ERCC6L2: variants seen among roughly 807,000 people sequenced by gnomAD.
ERCC6L2 encodes DNA excision repair protein ERCC-6-like 2.
ERCC6L2 carries 77 observed loss-of-function variants against 132.0 expected under a neutral mutation model. That is an observed-to-expected ratio of 0.58 (90% CI 0.49 to 0.71). The LOEUF is 0.71. ERCC6L2 is among the 30% of genes least tolerant of loss of function. ERCC6L2 has a pLI of 0.00. For missense variants in ERCC6L2, 1,542 were observed against 1,837.6 expected (o/e 0.84, Z 2.94); for synonymous variants, 583 against 632.4 (o/e 0.92, Z 1.17).
intron 17 of ERCC6L2, among the ~76,000 whole-genome samples, chr9:95,988,266 G>A (rs1017562089): frequency 6.6e-6 from 1 of 152,176 alleles, no homozygotes; most frequent in African/African-American, 2.4e-5. Flanking sequence ...AGACAAATAC[G>A]TCTGAACTGG....
chr9:95,893,362 G>A (rs1449811133), intron 2 of ERCC6L2, among the ~76,000 whole-genome samples: 2 of 152,012 alleles, frequency 1.3e-5, no homozygotes, highest in Admixed American at 6.6e-5. Flanking sequence ...CTAATATTTT[G>A]TTTAAGAGTT....
intron 18 of ERCC6L2, among the ~76,000 whole-genome samples, chr9:96,011,450 G>T (rs1380847722): frequency 1.3e-5 from 2 of 152,082 alleles, no homozygotes; most frequent in African/African-American, 4.8e-5. Flanking sequence ...ATTTGGGGGA[G>T]GGGCACAGTT....
chr9:95,928,597 G>C, intron 10 of ERCC6L2, 122 bp from the exon 11 acceptor site: 1 of 861,642 alleles, frequency 1.2e-6, no homozygotes, highest in East Asian at 2.9e-5. Flanking sequence ...TATTGTTCTT[G>C]GAATTATAAG....
chr9:95,956,973 A>C (rs1166428290), intron 13 of ERCC6L2, among the ~76,000 whole-genome samples: 1 of 152,180 alleles, frequency 6.6e-6, no homozygotes, highest in African/African-American at 2.4e-5. Flanking sequence ...TTAGAGGTGC[A>C]TGATGTACAT....
intron 19 of ERCC6L2, among the ~76,000 whole-genome samples, chr9:96,037,693 G>A (rs550829141): frequency 1.3e-5 from 2 of 152,260 alleles, no homozygotes; most frequent in East Asian, 3.9e-4. Flanking sequence ...CGAGGACTGC[G>A]CCAGGACAGC....
chr9:95,921,363 A>G (rs1272864136), intron 7 of ERCC6L2, 48 bp downstream of exon 7: 6 of 1,495,210 alleles, frequency 4.0e-6, no homozygotes, highest in African/African-American at 1.4e-5. Flanking sequence ...ATTACATAGT[A>G]CTCTCTTCTA....
chr9:95,988,246 G>A (rs542541892), intron 17 of ERCC6L2, among the ~76,000 whole-genome samples: 32 of 152,274 alleles, frequency 2.1e-4, no homozygotes, highest in African/African-American at 7.7e-4. Flanking sequence ...TGGTGAGTTG[G>A]CATTAGATAA....
chr9:95,952,340 G>A (rs1482668691), intron 12 of ERCC6L2, among the ~76,000 whole-genome samples: 2 of 151,960 alleles, frequency 1.3e-5, no homozygotes, highest in Non-Finnish European at 1.5e-5. Flanking sequence ...GAATGTTAAT[G>A]CAAAAATACT....
In ERCC6L2 at chr9:95,907,112, A is replaced by G. The variant is rs565519835; in HGVS notation, c.629A>G (p.Tyr210Cys). The change falls in exon 4 of 19, where the codon TAC (tyrosine) becomes TGC (cysteine). Residue 210 changes from tyrosine (Y) to cysteine (C), a missense_variant. Around this residue, in one of 4 missense-constraint regions of ERCC6L2, gnomAD observed 945 missense variants for 1,105.2 expected, o/e 0.86. Transcript: ENST00000653738. ...FLIVAPLSVLYNWKDELDTWG... is the reference protein window; with the variant it reads ...FLIVAPLSVLCNWKDELDTWG... ...ATAGTTGCTCCTCTTTCTGTCCTCT[A>G]CAACTGGAAGGATGAATTGGACACC... 1.1e-5 allele frequency: 17 copies of G among 1,612,558 alleles called. No homozygotes were observed. In the South Asian group the frequency reaches 1.1e-4, roughly 10 times the overall value.
At chr9:96,026,631 CCA>C (rs1043397654) in intron 19 of ERCC6L2, among the ~76,000 whole-genome samples, 2 of 151,150 alleles carry the variant, frequency 1.3e-5, no homozygotes, top group East Asian at 1.9e-4. Flanking sequence ...ACTATACACA[CCA>C]CACACACAAA....
chr9:95,955,771 A>G, intron 12 of ERCC6L2, 143 bp from the exon 13 acceptor site: 1 of 435,980 alleles, frequency 2.3e-6, no homozygotes, highest in Non-Finnish European at 4.0e-6. Flanking sequence ...AATTATTACT[A>G]AATAGAGCAT....
intron 17 of ERCC6L2, among the ~76,000 whole-genome samples, chr9:96,000,145 C>T (rs942807555): frequency 6.6e-6 from 1 of 152,086 alleles, no homozygotes; most frequent in African/African-American, 2.4e-5. Flanking sequence ...CCTCGGCCTC[C>T]CAAAGTGCTG....
In ERCC6L2 at chr9:95,916,254, G is replaced by A. The variant is rs763504244; in HGVS notation, c.978G>A (p.Gly326=). ...DWAVPGLLGS[G]TYFKKQFSDP... Reference sequence around the variant, plus strand: ...CTGTGCCAGGCCTTTTAGGGAGTGGGACCTACTTCAAGAAGCAGTTTTCTG... The same window carrying A: ...CTGTGCCAGGCCTTTTAGGGAGTGGAACCTACTTCAAGAAGCAGTTTTCTG... The change falls in exon 6 of 19, where the codon GGG becomes GGA. Residue 326 remains glycine (G), a synonymous_variant. Coordinates refer to ENST00000653738, the MANE Select transcript of ERCC6L2 (RefSeq NM_020207.7). 1 of 1,613,940 alleles carries A rather than the reference G, an allele frequency of 6.2e-7. No homozygotes were observed. The highest frequency in any genetic ancestry group is 1.7e-5 in the Admixed American group (1 of 60,010).
At chr9:95,954,500 A>G (rs75639307) in intron 12 of ERCC6L2, among the ~76,000 whole-genome samples, 410 of 152,330 alleles carry the variant, frequency 2.7e-3, no homozygotes, top group African/African-American at 9.6e-3. Context: ...ATCGTATAAC[A>G]GTTCCTCAAC....
chr9:95,876,267 C>G (rs900109109), intron 1 of ERCC6L2, 183 bp downstream of exon 1: 2 of 536,006 alleles, frequency 3.7e-6, no homozygotes, highest in African/African-American at 3.8e-5. Flanking sequence ...AACCTGGACT[C>G]GGGAGTCAGC....
intron 11 of ERCC6L2, among the ~76,000 whole-genome samples, chr9:95,936,790 C>G (rs929367109): frequency 7.9e-5 from 12 of 152,146 alleles, no homozygotes; most frequent in African/African-American, 2.7e-4. Context: ...CCCCTTTCTC[C>G]CTGAGCCCTG....
chr9:95,922,358 C>A lies in ERCC6L2; in HGVS notation c.1353C>A (p.Val451=). ...VKTLYLSYLT[V]LQKVANHVAL... is the part of the protein sequence containing the mutation. ...CCTTGTATCTCAGTTACCTTACAGT[C>A]CTTCAGAAGGTAGCTAACCATGTCG... The change falls in exon 8 of 19, where the codon GTC becomes GTA. Residue 451 remains valine, a synonymous_variant. Transcript: ENST00000653738. The A allele has an allele frequency of 6.2e-7, 1 of 1,613,516 alleles. No individual in the cohort carries two copies. Among genetic ancestry groups the A allele is most frequent in the Non-Finnish European group, 8.5e-7 (1 of 1,179,628 alleles).
At chr9:96,001,766 G>T (rs1408474248) in intron 17 of ERCC6L2, among the ~76,000 whole-genome samples, 1 of 152,266 alleles carries the variant, frequency 6.6e-6, no homozygotes, top group Non-Finnish European at 1.5e-5. Context: ...CCGTGGAGCA[G>T]GGGGTGGCGC....
downstream of ERCC6L2, among the ~76,000 whole-genome samples, chr9:96,023,213 G>A (rs1834318614): frequency 6.6e-6 from 1 of 152,152 alleles, no homozygotes; most frequent in Non-Finnish European, 1.5e-5. Flanking sequence ...AGACCCCAGA[G>A]ACAACAGGAC....
Sources: gnomAD v4.1 joint callset for allele counts (sites outside exome capture counted in the v4.1 genomes callset) on GRCh38, gnomAD v4.1.1 for gene constraint, gnomAD v4.1.1 regional missense constraint, MANE v1.5 for transcripts, NCBI Gene and HGNC (gene_info 2026-07-23, HGNC 2026-07-21) for gene names.